The following DYSF variants were observed in gnomAD, a reference collection of about 807,000 sequenced individuals.
DYSF encodes the protein dystrophy-associated fer-1-like 1.
Under a neutral mutation model 274.9 loss-of-function variants are expected in DYSF, and 212 were observed. The ratio of observed to expected loss-of-function variants is 0.77; its 90% CI spans 0.69 to 0.86. DYSF has a LOEUF of 0.86. Ranked by LOEUF, DYSF falls within the 40% of genes least tolerant of loss-of-function variation. The pLI is 0.00. For missense variants in DYSF, 2,666 were observed against 2,783.2 expected (o/e 0.96, Z 0.95); for synonymous variants, 1,091 against 1,078.7 (o/e 1.01, Z -0.22).
intron 41 of DYSF, among the ~76,000 whole-genome samples, chr2:71,634,237 C>A (rs1423372867): frequency 6.6e-6 from 1 of 152,188 alleles, no homozygotes; most frequent in Non-Finnish European, 1.5e-5. Flanking sequence ...AATATCAAAC[C>A]TTTTGTGTTT....
chr2:71,579,127 C>T (rs531270236), intron 30 of DYSF, among the ~76,000 whole-genome samples: 1 of 152,282 alleles, frequency 6.6e-6, no homozygotes, highest in Non-Finnish European at 1.5e-5. Flanking sequence ...GCCACCACCG[C>T]CGCCTCCCAC....
At position 71,660,662 on chromosome 2, in the gene DYSF, G is replaced by A; in HGVS notation, c.5003+11G>A. 2 of 1,611,886 alleles carry A rather than the reference G, an allele frequency of 1.2e-6. No homozygotes were observed. Among genetic ancestry groups the A allele is most frequent in the Non-Finnish European group, 8.5e-7 (1 of 1,178,054 alleles). On this transcript the variant is annotated intron_variant, in intron 45 of 55. Coordinates refer to ENST00000410020, the MANE Select transcript of DYSF (RefSeq NM_001130987.2). ...GCCCGTATTTGGAAAGTAAATTGGG[G>A]CATCTTGGGTCTTGGGGTGGAGGAG... is the stretch of plus-strand genomic sequence containing the variant.
At chr2:71,510,124 T>A (rs1314971656) in intron 4 of DYSF, among the ~76,000 whole-genome samples, 1 of 152,230 alleles carries the variant, frequency 6.6e-6, no homozygotes, top group Non-Finnish European at 1.5e-5. Flanking sequence ...TTCCTTCCTT[T>A]CTGGTGCAAG....
At chr2:71,636,727 A>G (rs1023303850) in intron 41 of DYSF, among the ~76,000 whole-genome samples, 3 of 152,172 alleles carry the variant, frequency 2.0e-5, no homozygotes, top group Admixed American at 6.5e-5. Context: ...TTAAAGAGCT[A>G]AGACCCAGGG....
intron 41 of DYSF, among the ~76,000 whole-genome samples, chr2:71,627,904 C>G (rs568364653): frequency 6.6e-6 from 1 of 152,174 alleles, no homozygotes; most frequent in South Asian, 2.1e-4. Context: ...GCTACCCCAG[C>G]TTTCTTTTGG....
At position 71,613,404 on chromosome 2, in the gene DYSF, C is replaced by G. The variant is rs777688424; in HGVS notation, c.4458C>G (p.Pro1486=). 3.7e-6 allele frequency: 6 copies of G among 1,612,600 alleles called. No homozygotes were observed. The South Asian group carries it at 6.6e-5, about 18-fold the overall frequency. ...IDIDDKEPLI[P]IQLADGLSSL... is the part of the protein sequence containing the mutation. ...TTGATGACAAGGAGCCCCTCATCCC[C>G]ATCCAGGTAGGATGGGCATCCTCCA... Residue 1486 remains proline, a synonymous_variant, in exon 40 of 56, where the codon CCC becomes CCG. Transcript: ENST00000410020.
chr2:71,548,075 C>T (rs2090624347), intron 17 of DYSF, among the ~76,000 whole-genome samples: 1 of 152,198 alleles, frequency 6.6e-6, no homozygotes, highest in Non-Finnish European at 1.5e-5. Context: ...CCTGGCTCGC[C>T]CACAGAAGGA....
In DYSF at chr2:71,551,034, C is replaced by T. The variant is rs767566865; in HGVS notation, c.1577-7C>T. On this transcript the variant is annotated splice_region_variant and splice_polypyrimidine_tract_variant and intron_variant, in intron 17 of 55. Coordinates refer to ENST00000410020, the MANE Select transcript of DYSF (RefSeq NM_001130987.2). ...CGACCCCTCTGATTGCCACTTGTGT[C>T]TCCCAGTGGATGACTACCTGGGCTT... 6.8e-6 allele frequency: 11 copies of T among 1,612,190 alleles called. No individual in the cohort carries two copies. In the South Asian group the frequency reaches 1.1e-4, roughly 16 times the overall value.
Position 71,503,315 on chromosome 2 carries a change from C to T in DYSF, c.341C>T (p.Thr114Ile), listed in dbSNP as rs557992682. 68 of 1,614,168 alleles carry T rather than the reference C, an allele frequency of 4.2e-5. 1 individual carries two copies. In the South Asian group the frequency reaches 6.6e-4, roughly 16 times the overall value. The change falls in exon 4 of 56, where the codon ACA becomes ATA. Residue 114 changes from threonine to isoleucine, a missense_variant. By Grantham distance (89) the Thr-to-Ile change is moderately conservative. This residue lies in a region of DYSF where 794 missense variants were observed against 777.1 expected (regional missense o/e 1.02). Coordinates refer to ENST00000410020, the MANE Select transcript of DYSF (RefSeq NM_001130987.2). ...APLLDTKKQP[T>I]GASLVLQVSY... ...CTGCTGGACACCAAGAAGCAGCCCA[C>T]AGGGGTAAGTGCCCATCAGCCTCTG...
rs114651629 is a variant in DYSF at position 71,606,565 on chromosome 2, G to A, written c.3957+3760G>A. Among the ~76,000 whole-genome samples, 363 of 152,148 alleles carry A rather than the reference G, an allele frequency of 2.4e-3. 1 individual carries two copies. Among genetic ancestry groups the A allele is most frequent in the African/African-American group, 8.2e-3 (340 of 41,518 alleles). On this transcript the variant is annotated intron_variant, in intron 36 of 55. Coordinates refer to ENST00000410020, the MANE Select transcript of DYSF (RefSeq NM_001130987.2). ...GGTGCTGTGCCCCTCAAGTGGGCTGGACCAGAAAAAAAGTTGAAAACCAGG... is the reference window on the plus strand; with the variant it reads ...GGTGCTGTGCCCCTCAAGTGGGCTGAACCAGAAAAAAAGTTGAAAACCAGG...
intron 12 of DYSF, among the ~76,000 whole-genome samples, chr2:71,522,235 G>A (rs920553895): frequency 3.4e-5 from 5 of 148,944 alleles, no homozygotes; most frequent in Non-Finnish European, 5.9e-5. Context: ...TCCTACTGCT[G>A]GTCATCACCA....
At position 71,461,413 on chromosome 2, in the gene DYSF, G is replaced by A. The variant is rs905679213; in HGVS notation, c.88+7327G>A. Among the ~76,000 whole-genome samples, 3 of 152,324 alleles carry A rather than the reference G, an allele frequency of 2.0e-5. 1 individual carries two copies. The highest frequency in any genetic ancestry group is 6.8e-3 in the Middle Eastern group (2 of 294). On this transcript the variant is annotated intron_variant, in intron 1 of 54. Transcript: ENST00000258104. ...GGCAGCTGGAGGCAGAGAGAACAGC[G>A]GACCTCAGAGCTGAGAGGGAGCTTG...
chr2:71,641,178 A>ATTTTTTTTT (rs10683765), intron 41 of DYSF, among the ~76,000 whole-genome samples: 11 of 124,504 alleles, frequency 8.8e-5, no homozygotes, highest in African/African-American at 3.2e-4. Context: ...ATGTTTATCT[A>ATTTTTTTTT]TTTTTTTTTT....
intron 55 of DYSF, among the ~76,000 whole-genome samples, chr2:71,686,218 T>A (rs936443384): frequency 4.6e-5 from 7 of 152,180 alleles, no homozygotes; most frequent in African/African-American, 1.7e-4. Context: ...GGTATGGGTT[T>A]GCCTGATGGG....
At chr2:71,668,089 A>G (rs1020628651) in intron 48 of DYSF, among the ~76,000 whole-genome samples, 46 of 151,898 alleles carry the variant, frequency 3.0e-4, no homozygotes, top group African/African-American at 1.1e-3. Context: ...TTGGAAGAGG[A>G]GAAGGGGAGA....
intron 2 of DYSF, 134 bp downstream of exon 2, chr2:71,481,072 G>GTGAAAGA (rs2082843232): frequency 1.1e-6 from 1 of 886,078 alleles, no homozygotes; most frequent in African/African-American, 1.7e-5. Context: ...GGTCCAGCCT[G>GTGAAAGA]CCAACGAAAT....
chr2:71,614,682 C>T (rs937754027), intron 40 of DYSF, among the ~76,000 whole-genome samples: 1 of 152,166 alleles, frequency 6.6e-6, no homozygotes, highest in Non-Finnish European at 1.5e-5. Context: ...GCGGCTCCTT[C>T]CTCTTTGTAT....
chr2:71,595,516 C>T (rs781080331), intron 32 of DYSF, among the ~76,000 whole-genome samples: 4 of 152,106 alleles, frequency 2.6e-5, no homozygotes, highest in South Asian at 4.1e-4. Flanking sequence ...GTGGGAAGGC[C>T]GAGGAGGAAA....
chr2:71,588,099 T>C (rs896734369), intron 30 of DYSF, among the ~76,000 whole-genome samples: 3 of 152,174 alleles, frequency 2.0e-5, no homozygotes, highest in Non-Finnish European at 4.4e-5. Flanking sequence ...CAGCATAAGC[T>C]TGCTATGGGA....
Sources: gnomAD v4.1 joint callset for allele counts (sites outside exome capture counted in the v4.1 genomes callset) on GRCh38, gnomAD v4.1.1 for gene constraint, gnomAD v4.1.1 regional missense constraint, MANE v1.5 for transcripts, NCBI Gene and HGNC (gene_info 2026-07-23, HGNC 2026-07-21) for gene names.